The following DENND1A variants were observed in gnomAD, a reference collection of about 807,000 sequenced individuals.
DENND1A encodes the protein DENN domain-containing protein 1A.
A neutral mutation model predicts 113.7 loss-of-function variants in DENND1A; 51 were observed. The observed-to-expected ratio is 0.45, with a 90% CI of 0.36 to 0.57. DENND1A has a LOEUF of 0.57. Among genes scored for constraint, DENND1A ranks in the 20% least tolerant of loss-of-function variants. The pLI, the probability that DENND1A is intolerant of heterozygous loss-of-function variation, is 0.00. For synonymous variants in DENND1A, 565 were observed against 570.8 expected (o/e 0.99, Z 0.14); for missense variants, 1,258 against 1,395.9 (o/e 0.90, Z 1.57).
chr9:123,409,528 G>T (rs1169482616), intron 20 of DENND1A, among the ~76,000 whole-genome samples: 3 of 151,218 alleles, frequency 2.0e-5, no homozygotes, highest in African/African-American at 7.3e-5. Flanking sequence ...AGAAGACGGA[G>T]GGTCCAGAGA....
At chr9:123,679,101 A>G (rs1392884134) in intron 5 of DENND1A, among the ~76,000 whole-genome samples, 1 of 152,220 alleles carries the variant, frequency 6.6e-6, no homozygotes, top group Non-Finnish European at 1.5e-5. Context: ...GCAGGGGGGA[A>G]AAGGCAAGAA....
chr9:123,854,332 A>G (rs765341435), intron 2 of DENND1A, among the ~76,000 whole-genome samples: 1 of 152,218 alleles, frequency 6.6e-6, no homozygotes, highest in Non-Finnish European at 1.5e-5. Flanking sequence ...TAGGACCCAG[A>G]TGTTTAATAT....
At chr9:123,917,005 G>A (rs1855270295) in intron 1 of DENND1A, among the ~76,000 whole-genome samples, 1 of 151,922 alleles carries the variant, frequency 6.6e-6, no homozygotes, top group South Asian at 2.1e-4. Context: ...CCAAAAAAGT[G>A]AAACCCTGTC....
intron 4 of DENND1A, among the ~76,000 whole-genome samples, chr9:123,765,355 T>G (rs1371010057): frequency 6.6e-6 from 1 of 152,146 alleles, no homozygotes; most frequent in Non-Finnish European, 1.5e-5. Context: ...ATGAGGATAA[T>G]GGTAACCTTA....
intron 5 of DENND1A, among the ~76,000 whole-genome samples, chr9:123,726,426 G>A (rs978786870): frequency 3.9e-4 from 60 of 152,056 alleles, no homozygotes; most frequent in African/African-American, 1.4e-3. Flanking sequence ...CCTATCACAC[G>A]AACATACTTT....
chr9:123,557,225 G>A (rs2057469975), intron 13 of DENND1A, among the ~76,000 whole-genome samples: 1 of 152,224 alleles, frequency 6.6e-6, no homozygotes, highest in African/African-American at 2.4e-5. Flanking sequence ...TTTGTAAAGT[G>A]GAGCTGATCA....
chr9:123,573,933 T>G (rs2058490866), intron 12 of DENND1A, among the ~76,000 whole-genome samples: 1 of 152,042 alleles, frequency 6.6e-6, no homozygotes, highest in South Asian at 2.1e-4. Context: ...GAATACTTCA[T>G]TTTCTAGGAG....
At chr9:123,412,464 GA>G (rs2044383509) in intron 19 of DENND1A, among the ~76,000 whole-genome samples, 1 of 152,208 alleles carries the variant, frequency 6.6e-6, no homozygotes, top group African/African-American at 2.4e-5. Context: ...GCCCCCACGG[GA>G]CCTCTTACAG....
At chr9:123,399,856 C>T (rs1429359276) in intron 21 of DENND1A, among the ~76,000 whole-genome samples, 1 of 152,262 alleles carries the variant, frequency 6.6e-6, no homozygotes, top group Non-Finnish European at 1.5e-5. Flanking sequence ...GGCCACTTTT[C>T]AACTGGGTGA....
Position 123,671,375 on chromosome 9 carries a change from A to C in DENND1A, c.373-4T>G. 1 of 1,613,762 alleles carries C rather than the reference A, an allele frequency of 6.2e-7. No individual in the cohort carries two copies. Among genetic ancestry groups the C allele is most frequent in the South Asian group, 1.1e-5 (1 of 91,000 alleles). Reference sequence around the variant, plus strand: ...GAAGCTCATTCCACTGATTTTCCTGAAAGAAATAAAAGGCCTAAGTAACAA... The same window carrying C: ...GAAGCTCATTCCACTGATTTTCCTGCAAGAAATAAAAGGCCTAAGTAACAA... On this transcript the variant is annotated splice_polypyrimidine_tract_variant and splice_region_variant and intron_variant, in intron 6 of 23. Coordinates refer to ENST00000394215, the MANE Select transcript of DENND1A (RefSeq NM_001352964.2).
intron 5 of DENND1A, among the ~76,000 whole-genome samples, chr9:123,700,924 T>C (rs1397764949): frequency 6.6e-6 from 1 of 152,232 alleles, no homozygotes; most frequent in Non-Finnish European, 1.5e-5. Flanking sequence ...GCAAATATTT[T>C]GTTCAATGTA....
intron 19 of DENND1A, among the ~76,000 whole-genome samples, chr9:123,429,913 C>T (rs1282712227): frequency 2.0e-5 from 3 of 151,990 alleles, no homozygotes; most frequent in African/African-American, 7.3e-5. Context: ...AACAGACAAC[C>T]TACAGAATGG....
intron 13 of DENND1A, among the ~76,000 whole-genome samples, chr9:123,536,928 G>A (rs1377082475): frequency 6.6e-6 from 1 of 151,846 alleles, no homozygotes; most frequent in Non-Finnish European, 1.5e-5. Context: ...TCTAAAGTCA[G>A]GAAACCTAAT....
At chr9:123,551,335 T>C (rs1306845123) in intron 13 of DENND1A, among the ~76,000 whole-genome samples, 1 of 152,208 alleles carries the variant, frequency 6.6e-6, no homozygotes, top group Non-Finnish European at 1.5e-5. Context: ...ATTCCCTAAT[T>C]TCCTTCACCC....
chr9:123,485,903 A>G (rs2050821002), intron 13 of DENND1A, among the ~76,000 whole-genome samples: 1 of 152,176 alleles, frequency 6.6e-6, no homozygotes, highest in Admixed American at 6.5e-5. Context: ...GCTAACATTT[A>G]GCTAGCACTG....
In DENND1A at chr9:123,401,798, C is replaced by T. The variant is rs749262859; in HGVS notation, c.1631+1604G>A. 2.3e-5 allele frequency: 37 copies of T among 1,614,088 alleles called. No homozygotes were observed. The East Asian group carries it at 8.0e-4, about 35-fold the overall frequency. On this transcript the variant is annotated intron_variant, in intron 21 of 23. Transcript: ENST00000394215. ...AGCCCCTCTGCCCAGTCTGGAAAAG[C>T]AACGGCGTAAGTCAATGTGATGAAG...
chr9:123,488,132 C>T (rs976508404), intron 13 of DENND1A, among the ~76,000 whole-genome samples: 9 of 152,342 alleles, frequency 5.9e-5, no homozygotes, highest in Admixed American at 5.9e-4. Context: ...ATCCTATCCG[C>T]CAGCACAAGG....
chr9:123,896,641 A>C (rs1314968426), intron 1 of DENND1A, among the ~76,000 whole-genome samples: 1 of 152,172 alleles, frequency 6.6e-6, no homozygotes, highest in African/African-American at 2.4e-5. Flanking sequence ...TAAATTTTTA[A>C]AAGATTAAAA....
rs560972632 is a variant in DENND1A at position 123,544,301 on chromosome 9, T to C, written c.993+13269A>G. ...TTTAAACAACAAAATATTAGCCAAT[T>C]AAAATTATCTATTAAAGGAATGTTT... On this transcript the variant is annotated intron_variant, in intron 13 of 23. Coordinates refer to ENST00000394215, the MANE Select transcript of DENND1A (RefSeq NM_001352964.2). Among the ~76,000 whole-genome samples, 3 of 152,334 alleles carry C rather than the reference T, an allele frequency of 2.0e-5. No homozygotes were observed. In the East Asian group the frequency reaches 5.8e-4, roughly 29 times the overall value.
Sources: allele counts gnomAD v4.1 joint callset (sites outside exome capture counted in the v4.1 genomes callset), GRCh38; gene constraint gnomAD v4.1.1; transcripts MANE v1.5; gene names NCBI Gene and HGNC (gene_info 2026-07-23, HGNC 2026-07-21).